MAP4K3: variants seen among roughly 807,000 people sequenced by gnomAD.
MAP4K3 encodes the protein MAPK/ERK kinase kinase kinase 3.
In MAP4K3, 94 loss-of-function variants were observed where a neutral mutation model predicts 143.5. The observed-to-expected ratio is 0.65, with a 90% CI of 0.55 to 0.78. The LOEUF (loss-of-function observed/expected upper bound fraction) is 0.78. MAP4K3 is among the 30% of genes least tolerant of loss of function. The probability of loss-of-function intolerance (pLI) is 0.00; values close to 1 mark genes in which losing one functional copy is unlikely to be tolerated. For synonymous variants in MAP4K3, 416 were observed against 347.2 expected (o/e 1.20, Z -2.20); for missense variants, 1,077 against 1,068.1 (o/e 1.01, Z -0.12).
At position 39,264,833 on chromosome 2, in the gene MAP4K3, C is replaced by A. The variant is rs3770671; in HGVS notation, c.2136+370G>T. 3.3e-5 allele frequency among the ~76,000 whole-genome samples: 5 copies of A among 152,118 alleles called. No individual in the cohort carries two copies. In the East Asian group the frequency reaches 7.7e-4, roughly 23 times the overall value. ...ACTTGTTTCCCTGTCATTATGGTTA[C>A]CCCTAGTTCTCCTAGGCCAAACTGC... On this transcript the variant is annotated intron_variant, in intron 28 of 33. Transcript: ENST00000263881.
chr2:39,357,743 C>A (rs376575272), intron 2 of MAP4K3, among the ~76,000 whole-genome samples: 3 of 152,080 alleles, frequency 2.0e-5, no homozygotes, highest in African/African-American at 7.2e-5. Context: ...TAGAAGAAAA[C>A]AAAATTAGGA....
chr2:39,331,895 A>G (rs779894374), intron 8 of MAP4K3, 22 bp downstream of exon 8: 2 of 1,457,666 alleles, frequency 1.4e-6, no homozygotes, highest in Non-Finnish European at 1.9e-6. Context: ...AAAGTATTAA[A>G]TATCAATTAA....
chr2:39,250,696 A>AACC lies in MAP4K3; in HGVS notation c.2604_2606dup (p.Val869dup). ...GGTTATCAGTTGGCCTACTTTCCAAAACCACGACCCTGAAAGTAATAAAAA... is the reference window on the plus strand; with the variant it reads ...GGTTATCAGTTGGCCTACTTTCCAAAACCACCACGACCCTGAAAGTAATAAAAA... On this transcript the variant is annotated inframe_insertion, in exon 34 of 34. Coordinates refer to ENST00000263881, the MANE Select transcript of MAP4K3 (RefSeq NM_003618.4). 6.2e-7 allele frequency: 1 copy of AACC among 1,613,442 alleles called. No individual in the cohort carries two copies. Among genetic ancestry groups the AACC allele is most frequent in the Non-Finnish European group, 8.5e-7 (1 of 1,179,492 alleles).
Position 39,292,839 on chromosome 2 carries a change from G to GA in MAP4K3, c.1218-14dup. On this transcript the variant is annotated splice_polypyrimidine_tract_variant and intron_variant, in intron 17 of 33. Coordinates refer to ENST00000263881, the MANE Select transcript of MAP4K3 (RefSeq NM_003618.4). The stretch of plus-strand genomic sequence containing the variant: ...TGCGACGTGTCCTCTAAATAAAAAG[G>GA]ATAATGTCATTGTTATTAAATGGAT... The GA allele has an allele frequency of 1.2e-6, 2 of 1,605,936 alleles. No homozygotes were observed. Among genetic ancestry groups the GA allele is most frequent in the East Asian group, 4.5e-5 (2 of 44,782 alleles).
chr2:39,411,267 C>T (rs555378368), intron 1 of MAP4K3, among the ~76,000 whole-genome samples: 2 of 152,126 alleles, frequency 1.3e-5, no homozygotes, highest in South Asian at 2.1e-4. Flanking sequence ...AAGTTTGACT[C>T]CCTCACTTCT....
rs148009263 is a variant in MAP4K3 at position 39,278,443 on chromosome 2, G to A, written c.1758C>T (p.Leu586=). The change falls in exon 24 of 34, where the codon CTC becomes CTT. Residue 586 remains leucine, a synonymous_variant. Coordinates refer to ENST00000263881, the MANE Select transcript of MAP4K3 (RefSeq NM_003618.4). Reference sequence around the variant, plus strand: ...ATGTTTCATGAAGTTCATTAAGATTGAGGGTATAAATCCCTTCTTCGGCAC... The same window carrying A: ...ATGTTTCATGAAGTTCATTAAGATTAAGGGTATAAATCCCTTCTTCGGCAC... The part of the protein sequence containing the change: ...IFGAEEGIYT[L]NLNELHETSM... 6.3e-7 allele frequency: 1 copy of A among 1,599,148 alleles called. No individual in the cohort carries two copies.
chr2:39,309,869 G>A (rs1682884230), intron 13 of MAP4K3, among the ~76,000 whole-genome samples: 1 of 151,946 alleles, frequency 6.6e-6, no homozygotes, highest in African/African-American at 2.4e-5. Context: ...AAACCAGGAT[G>A]TTTTTATATT....
At chr2:39,315,528 TTA>T (rs768703881) in intron 12 of MAP4K3, 140 bp from the exon 13 acceptor site, 154 of 550,602 alleles carry the variant, frequency 2.8e-4, no homozygotes, top group South Asian at 4.1e-4. Flanking sequence ...TTTTTTTTTT[TTA>T]AAAAAGCAAA....
Position 39,315,438 on chromosome 2 carries a change from A to C in MAP4K3, c.919-50T>G, listed in dbSNP as rs759494059. On this transcript the variant is annotated intron_variant, in intron 12 of 33. Transcript: ENST00000263881. The stretch of plus-strand genomic sequence containing the variant: ...ATGCAGCATTTGATAATCAAGTCAT[A>C]GTTTGGTCCACAAAATTACCCAAAT... The C allele has an allele frequency of 3.1e-6, 4 of 1,277,024 alleles. No homozygotes were observed. The Admixed American group carries it at 7.6e-5, about 24-fold the overall frequency. 79.1% of individuals were successfully genotyped at this position (1,277,024 alleles called of 1,614,324 possible).
intron 1 of MAP4K3, among the ~76,000 whole-genome samples, chr2:39,424,685 G>C (rs1308099835): frequency 6.6e-6 from 1 of 151,760 alleles, no homozygotes; most frequent in Non-Finnish European, 1.5e-5. Context: ...CAAATATTAG[G>C]TGGGCAAGGT....
intron 28 of MAP4K3, 134 bp from the exon 29 acceptor site, chr2:39,260,911 A>G: frequency 1.6e-6 from 1 of 615,476 alleles, no homozygotes; most frequent in Non-Finnish European, 2.8e-6. Context: ...AGAAAAATCT[A>G]AATTATGGAC....
intron 8 of MAP4K3, among the ~76,000 whole-genome samples, chr2:39,331,697 T>C (rs1421013620): frequency 1.3e-5 from 2 of 152,102 alleles, no homozygotes; most frequent in African/African-American, 4.8e-5. Context: ...CTGAAAGCCA[T>C]ATCAATCATT....
intron 1 of MAP4K3, among the ~76,000 whole-genome samples, chr2:39,387,825 C>G (rs1666550319): frequency 6.6e-6 from 1 of 152,138 alleles, no homozygotes; most frequent in African/African-American, 2.4e-5. Context: ...ACTTGAATGG[C>G]TCTTTGTTTC....
In MAP4K3 at chr2:39,285,804, T is replaced by G. The variant is rs78624720; in HGVS notation, c.1587+1048A>C. Among the ~76,000 whole-genome samples, 177 of 152,344 alleles carry G rather than the reference T, an allele frequency of 1.2e-3. No homozygotes were observed. In the East Asian group the frequency reaches 0.025, roughly 22 times the overall value. On this transcript the variant is annotated intron_variant, in intron 21 of 33. Coordinates refer to ENST00000263881, the MANE Select transcript of MAP4K3 (RefSeq NM_003618.4). ...AAACCCTATTCATCTTGTTGACATCTGTTGAGATATTGGGGATTTTAAGGA... is the reference window on the plus strand; with the variant it reads ...AAACCCTATTCATCTTGTTGACATCGGTTGAGATATTGGGGATTTTAAGGA...
At chr2:39,363,885 T>C (rs74733445) in intron 2 of MAP4K3, among the ~76,000 whole-genome samples, 9,560 of 149,198 alleles carry the variant, frequency 0.064, 414 homozygotes, top group Non-Finnish European at 0.099. Context: ...AAAAAAGATA[T>C]ACAAATGGCC....
Position 39,274,710 on chromosome 2 carries a change from G to C in MAP4K3, c.1795-2168C>G, listed in dbSNP as rs58506888. Among the ~76,000 whole-genome samples, 719 of 152,212 alleles carry C rather than the reference G, an allele frequency of 4.7e-3. 7 individuals are homozygous for C. The highest frequency in any genetic ancestry group is 0.016 in the African/African-American group (682 of 41,520). ...GTTTTATCAATGATTGTGTGATCTT[G>C]GGTAATTTACTGAATCTCTGTCTCA... On this transcript the variant is annotated intron_variant, in intron 24 of 33. Coordinates refer to ENST00000263881, the MANE Select transcript of MAP4K3 (RefSeq NM_003618.4).
At chr2:39,428,142 T>C (rs912946169) in intron 1 of MAP4K3, among the ~76,000 whole-genome samples, 1 of 152,244 alleles carries the variant, frequency 6.6e-6, no homozygotes, top group Non-Finnish European at 1.5e-5. Context: ...TTAGGCATGT[T>C]CCTTAGATGT....
At chr2:39,421,480 G>C (rs1370680741) in intron 1 of MAP4K3, among the ~76,000 whole-genome samples, 1 of 149,038 alleles carries the variant, frequency 6.7e-6, no homozygotes, top group Non-Finnish European at 1.5e-5. Context: ...CAAAGTGCTG[G>C]TATTCCAGAG....
At chr2:39,418,020 G>T (rs1316025224) in intron 1 of MAP4K3, among the ~76,000 whole-genome samples, 1 of 152,116 alleles carries the variant, frequency 6.6e-6, no homozygotes, top group Non-Finnish European at 1.5e-5. Context: ...GGCCAACATG[G>T]TGAAACCCTA....
Sources: gnomAD v4.1 joint callset for allele counts (sites outside exome capture counted in the v4.1 genomes callset) on GRCh38, gnomAD v4.1.1 for gene constraint, MANE v1.5 for transcripts, NCBI Gene and HGNC (gene_info 2026-07-23, HGNC 2026-07-21) for gene names.